Variants in CPLX1 observed in about 807,000 individuals in gnomAD.
CPLX1 encodes complexin 1.
CPLX1 carries 6 observed loss-of-function variants against 15.6 expected under a neutral mutation model. The ratio of observed to expected loss-of-function variants is 0.39; its 90% CI spans 0.21 to 0.76. CPLX1 has a LOEUF of 0.76. CPLX1 is among the 30% of genes least tolerant of loss of function. CPLX1 has a pLI of 0.43. For missense variants in CPLX1, 242 were observed against 188.6 expected, an observed-to-expected ratio of 1.28 and a Z score of -1.66; for synonymous variants, 91 against 75.2, an observed-to-expected ratio of 1.21 and a Z score of -1.08.
At chr4:795,775 G>C (rs1307520374) in intron 2 of CPLX1, among the ~76,000 whole-genome samples, 1 of 149,062 alleles carries the variant, frequency 6.7e-6, no homozygotes, top group Non-Finnish European at 1.5e-5. Flanking sequence ...TCCCACCCGG[G>C]AGCTCGCCCC....
chr4:818,814 C>T (rs1746808922), intron 2 of CPLX1, among the ~76,000 whole-genome samples: 1 of 152,234 alleles, frequency 6.6e-6, no homozygotes, highest in Non-Finnish European at 1.5e-5. Context: ...AAGAGCTGGG[C>T]GCTCGGTCCG....
intron 2 of CPLX1, among the ~76,000 whole-genome samples, chr4:794,424 A>G (rs1746273963): frequency 6.6e-6 from 1 of 152,194 alleles, no homozygotes; most frequent in African/African-American, 2.4e-5. Flanking sequence ...CCTCAACAGA[A>G]AGCTAAGAGG....
intron 3 of CPLX1, among the ~76,000 whole-genome samples, chr4:789,650 G>T (rs1012187046): frequency 6.6e-6 from 1 of 152,300 alleles, no homozygotes; most frequent in East Asian, 1.9e-4. Context: ...GGAGCACAGC[G>T]GGGCAGTCTC....
At chr4:816,372 C>T (rs1282157502) in intron 2 of CPLX1, among the ~76,000 whole-genome samples, 1 of 151,968 alleles carries the variant, frequency 6.6e-6, no homozygotes, top group East Asian at 1.9e-4. Context: ...GCGCCCACCA[C>T]CACACCCGGC....
At chr4:787,757 C>G (rs947103095) in intron 3 of CPLX1, 1 of 985,186 alleles carries the variant, frequency 1.0e-6, no homozygotes, top group Non-Finnish European at 1.2e-6. Flanking sequence ...TAGATCAATA[C>G]GCCTCCCCAC....
chr4:812,515 G>A (rs560793101), intron 2 of CPLX1, among the ~76,000 whole-genome samples: 46 of 152,262 alleles, frequency 3.0e-4, no homozygotes, highest in Admixed American at 9.2e-4. Context: ...ATCAAAGGGC[G>A]TCCATCAGAG....
Position 792,429 on chromosome 4 carries a change from G to A in CPLX1, c.207+4C>T, listed in dbSNP as rs748344625. The A allele has an allele frequency of 1.3e-6, 2 of 1,553,356 alleles. No individual in the cohort carries two copies. Among genetic ancestry groups the A allele is most frequent in the South Asian group, 1.2e-5 (1 of 84,164 alleles). ...CCCGCAGGCGGGGCCGGCCCGGCGC[G>A]CACCTTGTCTCGGATGCCCTGGCGC... is the stretch of plus-strand genomic sequence containing the variant. On this transcript the variant is annotated splice_donor_region_variant and intron_variant, in intron 3 of 3. Coordinates refer to ENST00000304062, the MANE Select transcript of CPLX1 (RefSeq NM_006651.4).
rs1401656048 is a variant in CPLX1 at position 785,797 on chromosome 4, G to A, written c.*704C>T. On this transcript the variant is annotated 3_prime_UTR_variant, in exon 4 of 4. Coordinates refer to ENST00000304062, the MANE Select transcript of CPLX1 (RefSeq NM_006651.4). ...AGCAGCCGCGTGGGCGGAGAGGCTA[G>A]GAGGCCGGGCGGGGGGCGAGGACTT... 6.5e-6 allele frequency: 1 copy of A among 152,900 alleles called. No homozygotes were observed. The highest frequency in any genetic ancestry group is 1.5e-5 in the Non-Finnish European group (1 of 68,626). The allele number at this position is 152,900 out of a possible 1,614,324, so 9.5% of individuals were successfully genotyped here.
intron 2 of CPLX1, among the ~76,000 whole-genome samples, chr4:800,724 T>TG (rs1746435778): frequency 1.3e-5 from 1 of 76,238 alleles, no homozygotes; most frequent in Admixed American, 1.4e-4. Flanking sequence ...CCGTCTCTAC[T>TG]AAAAAAAAAA....
intron 2 of CPLX1, among the ~76,000 whole-genome samples, chr4:809,008 G>A (rs1488024475): frequency 6.6e-6 from 1 of 152,272 alleles, no homozygotes; most frequent in Admixed American, 6.5e-5. Flanking sequence ...GAGAGCGCGC[G>A]AGTGCGCGGG....
chr4:786,244 A>C lies in CPLX1; in HGVS notation c.*257T>G. On this transcript the variant is annotated 3_prime_UTR_variant, in exon 4 of 4. Transcript: ENST00000304062. ...CTCGGGCGCTGCTGGGTGGGCGGTA[A>C]ACAGCAAGAGAAAGGGGCGTCCCAG... The C allele has an allele frequency of 3.1e-6, 1 of 326,132 alleles. No homozygotes were observed. Among genetic ancestry groups the C allele is most frequent in the Non-Finnish European group, 5.6e-6 (1 of 179,990 alleles). The allele number at this position is 326,132 out of a possible 1,614,324, so 20.2% of individuals were successfully genotyped here.
At chr4:815,342 T>C (rs1576996793) in intron 2 of CPLX1, among the ~76,000 whole-genome samples, 1 of 127,842 alleles carries the variant, frequency 7.8e-6, no homozygotes, top group Non-Finnish European at 1.5e-5. Context: ...ACCCAGGAGG[T>C]GGAGCTTTCA....
Position 786,642 on chromosome 4 carries a change from G to A in CPLX1, c.264C>T (p.Ala88=). The A allele has an allele frequency of 6.2e-7, 1 of 1,612,378 alleles. No individual in the cohort carries two copies. The stretch of plus-strand genomic sequence containing the variant: ...GCCGCGTCAAGCTCCCCTCGGAGTT[G>A]GCCTCCATGGCGGCCTGGGCCTCGG... ...REAEAQAAME[A]NSEGSLTRPK... The change falls in exon 4 of 4, where the codon GCC becomes GCT. Residue 88 remains alanine (A), a synonymous_variant. Coordinates refer to ENST00000304062, the MANE Select transcript of CPLX1 (RefSeq NM_006651.4).
chr4:787,224 G>A, intron 3 of CPLX1: 2 of 985,390 alleles, frequency 2.0e-6, no homozygotes, highest in Non-Finnish European at 2.4e-6. Context: ...CTGCAGCTCC[G>A]TGGGCAGCCG....
intron 1 of CPLX1, chr4:824,845 G>A (rs1746944495): frequency 3.7e-6 from 2 of 547,936 alleles, no homozygotes; most frequent in Non-Finnish European, 6.9e-6. Flanking sequence ...GGCTGCTGAT[G>A]GCTTAGGGGG....
In CPLX1 at chr4:792,837, TTCC is replaced by T. The variant is rs1379803438; in HGVS notation, c.32-232_32-230del. On this transcript the variant is annotated intron_variant, in intron 2 of 3. Coordinates refer to ENST00000304062, the MANE Select transcript of CPLX1 (RefSeq NM_006651.4). ...CTGGGGTCTCCTGCTTTGCTTTCTG[TTCC>T]TCAAGAGACACAGGCAACTCCGTGG... 9.7e-6 allele frequency: 5 copies of T among 517,388 alleles called. No homozygotes were observed. In the African/African-American group the frequency reaches 9.9e-5, roughly 10 times the overall value. 32.0% of individuals were successfully genotyped at this position (517,388 alleles called of 1,614,324 possible).
At chr4:791,894 C>CA (rs1228676810) in intron 3 of CPLX1, among the ~76,000 whole-genome samples, 2 of 152,206 alleles carry the variant, frequency 1.3e-5, no homozygotes, top group Non-Finnish European at 2.9e-5. Context: ...CTGGAGCCAC[C>CA]GAGGAAGCCG....
chr4:802,941 ACT>A lies in CPLX1; in HGVS notation c.32-10335_32-10334del, dbSNP rs372659308. 1.6e-3 allele frequency among the ~76,000 whole-genome samples: 230 copies of A among 143,170 alleles called. 2 individuals carry two copies. The highest frequency in any genetic ancestry group is 5.3e-3 in the African/African-American group (190 of 35,736). 93.9% of individuals were successfully genotyped at this position (143,170 alleles called of 152,430 possible). ...ACTCCAGCCTGAGCATTAGAGTGAG[ACT>A]CTGTCTCAAAAAAAAAAAAAAAAAA... is the stretch of plus-strand genomic sequence containing the variant. On this transcript the variant is annotated intron_variant, in intron 2 of 3. Transcript: ENST00000304062.
Position 792,623 on chromosome 4 carries a change from G to T in CPLX1, c.32-15C>A, listed in dbSNP as rs760717134. On this transcript the variant is annotated splice_polypyrimidine_tract_variant and intron_variant, in intron 2 of 3. Coordinates refer to ENST00000304062, the MANE Select transcript of CPLX1 (RefSeq NM_006651.4). ...CTTGGTGGCCCCTGGTACAGAAGTT[G>T]GTGATTCAGACCGCCCCATTCAGAT... is the stretch of plus-strand genomic sequence containing the variant. The T allele has an allele frequency of 1.2e-6, 2 of 1,606,662 alleles. No individual in the cohort carries two copies. Among genetic ancestry groups the T allele is most frequent in the Admixed American group, 3.4e-5 (2 of 59,662 alleles).
Sources: allele counts gnomAD v4.1 joint callset (sites outside exome capture counted in the v4.1 genomes callset), GRCh38; gene constraint gnomAD v4.1.1; transcripts MANE v1.5; gene names NCBI Gene and HGNC (gene_info 2026-07-23, HGNC 2026-07-21).